SULF2: variants seen among roughly 807,000 people sequenced by gnomAD.
SULF2 encodes the protein sulfatase 2, also known as extracellular sulfatase Sulf-2.
Under a neutral mutation model 107.7 loss-of-function variants are expected in SULF2, and 52 were observed. That is an observed-to-expected ratio of 0.48 (90% CI 0.39 to 0.61). SULF2 has a LOEUF of 0.61. SULF2 is among the 20% of genes least tolerant of loss of function. The pLI is 0.00. For missense variants in SULF2, 993 were observed against 1,177.3 expected (o/e 0.84, Z 2.29); for synonymous variants, 460 against 464.3 (o/e 0.99, Z 0.12).
At chr20:47,759,477 A>G (rs181121557) in intron 1 of SULF2, among the ~76,000 whole-genome samples, 154 of 152,320 alleles carry the variant, frequency 1.0e-3, no homozygotes, top group Middle Eastern at 6.8e-3. Flanking sequence ...GGATCACCTG[A>G]GGTCAGGAGT....
At chr20:47,695,433 C>T (rs1314852607) in intron 4 of SULF2, among the ~76,000 whole-genome samples, 1 of 152,174 alleles carries the variant, frequency 6.6e-6, no homozygotes. Flanking sequence ...TGAACAGGAA[C>T]TCCCCAGTTC....
At chr20:47,689,992 CT>C in intron 5 of SULF2, 133 bp downstream of exon 5, 2 of 887,338 alleles carry the variant, frequency 2.3e-6, no homozygotes, top group Non-Finnish European at 3.0e-6. Context: ...GCAGTATGTT[CT>C]TGGGGTCTTT....
intron 2 of SULF2, among the ~76,000 whole-genome samples, chr20:47,737,766 T>TG (rs1164912110): frequency 2.9e-5 from 4 of 136,110 alleles, no homozygotes; most frequent in Non-Finnish European, 6.3e-5. Context: ...TTTTTTTTTT[T>TG]TTTTTTTTTT....
At chr20:47,729,850 T>C (rs891953511) in intron 3 of SULF2, among the ~76,000 whole-genome samples, 20 of 152,208 alleles carry the variant, frequency 1.3e-4, no homozygotes, top group African/African-American at 4.1e-4. Context: ...CTTTATAGCA[T>C]TGCAGAGGAG....
Position 47,684,371 on chromosome 20 carries a change from C to T in SULF2, c.888+60G>A, listed in dbSNP as rs1454325737. ...ACCCTGAAGGGCCAGGAGGTCTCGG[C>T]CCTGGCCTGGCTGGGGGTTCGGAGC... On this transcript the variant is annotated intron_variant, in intron 6 of 20. Transcript: ENST00000688720. The T allele has an allele frequency of 7.6e-5, 116 of 1,525,648 alleles. No homozygotes were observed. In the East Asian group the frequency reaches 2.7e-3, roughly 35 times the overall value. 94.5% of individuals were successfully genotyped at this position (1,525,648 alleles called of 1,614,324 possible).
intron 2 of SULF2, among the ~76,000 whole-genome samples, chr20:47,756,848 G>A (rs1007814696): frequency 3.3e-5 from 5 of 152,110 alleles, no homozygotes; most frequent in Non-Finnish European, 5.9e-5. Context: ...GTTTCACCAC[G>A]TTGGCCAGGC....
chr20:47,687,194 C>T (rs530326011), intron 5 of SULF2, among the ~76,000 whole-genome samples: 54 of 152,282 alleles, frequency 3.5e-4, no homozygotes, highest in African/African-American at 9.9e-4. Context: ...TCTGCAGCCC[C>T]GGCTCGGAGA....
Position 47,680,658 on chromosome 20 carries a change from G to T in SULF2, c.1065-1854C>A, listed in dbSNP as rs1355661806. On this transcript the variant is annotated intron_variant, in intron 7 of 20. Coordinates refer to ENST00000688720, the MANE Select transcript of SULF2 (RefSeq NM_001387048.1). This position sits in a 1 kb window ranked among gnomAD's most constrained non-coding sequence, Gnocchi z 4.2. ...GCATGTGTGCAGCTGCTGAAGATGG[G>T]GCTGTGTCATGGGGGGCTCGAAGGC... 6.6e-6 allele frequency among the ~76,000 whole-genome samples: 1 copy of T among 152,234 alleles called. No individual in the cohort carries two copies. Among genetic ancestry groups the T allele is most frequent in the Admixed American group, 6.5e-5 (1 of 15,280 alleles).
intron 2 of SULF2, among the ~76,000 whole-genome samples, chr20:47,746,476 G>A (rs73137503): frequency 2.0e-5 from 3 of 152,128 alleles, no homozygotes; most frequent in Non-Finnish European, 2.9e-5. Flanking sequence ...TGGAATGTCC[G>A]CAGTGCTGTA....
rs755056695 is a variant in SULF2 at position 47,663,228 on chromosome 20, G to A, written c.2228-16C>T. The A allele has an allele frequency of 5.0e-6, 8 of 1,613,788 alleles. No homozygotes were observed. The East Asian group carries it at 1.1e-4, about 22-fold the overall frequency. ...AAAGGCCCCACTGCCAAGGAAGAGAGAGCATGTCCTGAGTGCCTGCGGGAG... is the reference window on the plus strand; with the variant it reads ...AAAGGCCCCACTGCCAAGGAAGAGAAAGCATGTCCTGAGTGCCTGCGGGAG... On this transcript the variant is annotated splice_polypyrimidine_tract_variant and intron_variant, in intron 16 of 20. Transcript: ENST00000688720.
At chr20:47,776,006 A>G (rs2090718138) in intron 1 of SULF2, among the ~76,000 whole-genome samples, 2 of 152,160 alleles carry the variant, frequency 1.3e-5, no homozygotes, top group South Asian at 4.1e-4. Flanking sequence ...AAACGGGTGA[A>G]GTGGACGCAT....
In SULF2 at chr20:47,741,778, C is replaced by A. The variant is rs555252792; in HGVS notation, c.176-4836G>T. 1.2e-4 allele frequency among the ~76,000 whole-genome samples: 19 copies of A among 152,206 alleles called. 1 individual carries two copies. Among genetic ancestry groups the A allele is most frequent in the Non-Finnish European group, 2.2e-4 (15 of 68,036 alleles). On this transcript the variant is annotated intron_variant, in intron 2 of 20. Transcript: ENST00000688720. ...ACCCTGCAGAAAGGACAAAAGCTGG[C>A]CACCCACCTAACTGGTCAGACCCTT... is the stretch of plus-strand genomic sequence containing the variant.
At chr20:47,658,445 T>A in intron 20 of SULF2, 53 bp from the exon 21 acceptor site, 1 of 1,579,470 alleles carries the variant, frequency 6.3e-7, no homozygotes, top group Non-Finnish European at 8.7e-7. Context: ...GTCTTTATCA[T>A]GACTTCCTAA....
At chr20:47,698,272 G>A (rs981054857) in intron 4 of SULF2, among the ~76,000 whole-genome samples, 1 of 152,194 alleles carries the variant, frequency 6.6e-6, no homozygotes, top group African/African-American at 2.4e-5. Flanking sequence ...CCCAGCCAAC[G>A]TTCCAGCGTA....
chr20:47,716,189 A>G (rs374602658), intron 3 of SULF2, among the ~76,000 whole-genome samples: 23 of 152,230 alleles, frequency 1.5e-4, no homozygotes, highest in African/African-American at 5.3e-4. Context: ...GAAAACTGAG[A>G]AATTTAAAAC....
intron 3 of SULF2, among the ~76,000 whole-genome samples, chr20:47,727,953 C>T (rs779594908): frequency 3.3e-5 from 5 of 152,208 alleles, no homozygotes; most frequent in Non-Finnish European, 7.3e-5. Context: ...TGCACGGAGG[C>T]GGCAAATCCG....
chr20:47,772,544 G>A lies in SULF2; in HGVS notation c.-101+12799C>T, dbSNP rs77610744. Among the ~76,000 whole-genome samples the A allele has an allele frequency of 2.5e-3, 383 of 152,306 alleles. 4 individuals are homozygous for A. The highest frequency in any genetic ancestry group is 8.8e-3 in the African/African-American group (367 of 41,576). Reference sequence around the variant, plus strand: ...AAGACCATAAAGGAGGAGTTCACGCGATTCCCTCCTTGATGACCCAGAGGC... The same window carrying A: ...AAGACCATAAAGGAGGAGTTCACGCAATTCCCTCCTTGATGACCCAGAGGC... On this transcript the variant is annotated intron_variant, in intron 1 of 20. Transcript: ENST00000688720.
intron 5 of SULF2, among the ~76,000 whole-genome samples, chr20:47,687,208 C>T (rs980153912): frequency 1.1e-4 from 17 of 152,140 alleles, no homozygotes; most frequent in African/African-American, 3.1e-4. Flanking sequence ...TCGGAGAGAG[C>T]GCTTTTGGAG....
At chr20:47,716,555 A>G (rs1158479771) in intron 3 of SULF2, among the ~76,000 whole-genome samples, 1 of 152,230 alleles carries the variant, frequency 6.6e-6, no homozygotes. Flanking sequence ...AAATACAATT[A>G]ATGAGAAGAG....
Sources: allele counts gnomAD v4.1 joint callset (sites outside exome capture counted in the v4.1 genomes callset), GRCh38; gene constraint gnomAD v4.1.1; non-coding constraint Gnocchi (gnomAD v3.1); transcripts MANE v1.5; gene names NCBI Gene and HGNC (gene_info 2026-07-23, HGNC 2026-07-21).